TMEFF2: variants seen among roughly 807,000 people sequenced by gnomAD.
TMEFF2 encodes transmembrane protein with EGF like and two follistatin like domains 2.
TMEFF2 carries 28 observed loss-of-function variants against 53.8 expected under a neutral mutation model. The ratio of observed to expected loss-of-function variants is 0.52; its 90% CI spans 0.39 to 0.71. The LOEUF (loss-of-function observed/expected upper bound fraction) is 0.71. Ranked by LOEUF, TMEFF2 falls within the 30% of genes least tolerant of loss-of-function variation. The pLI is 0.00. For synonymous variants in TMEFF2, 162 were observed against 166.3 expected (o/e 0.97, Z 0.20); for missense variants, 353 against 455.2 (o/e 0.78, Z 2.04).
At chr2:192,030,294 T>C (rs1687096258) in intron 5 of TMEFF2, 1 of 152,202 alleles carries the variant, frequency 6.6e-6, no homozygotes, top group African/African-American at 2.4e-5. Flanking sequence ...AGGGAAAGCA[T>C]GTTGATTGGT....
intron 5 of TMEFF2, among the ~76,000 whole-genome samples, chr2:192,022,338 G>C (rs1686876395): frequency 6.6e-6 from 1 of 152,186 alleles, no homozygotes; most frequent in Admixed American, 6.5e-5. Flanking sequence ...GGTCCAGTTT[G>C]TCCTTGCATG....
chr2:191,953,699 C>T lies in TMEFF2; in HGVS notation c.1008G>A (p.Val336=), dbSNP rs755757094. 2 of 1,613,890 alleles carry T rather than the reference C, an allele frequency of 1.2e-6. No homozygotes were observed. The highest frequency in any genetic ancestry group is 1.7e-6 in the Non-Finnish European group (2 of 1,179,896). ...IGTIQIAVIC[V]VVLCITRKCP... is the part of the protein sequence containing the mutation. The stretch of plus-strand genomic sequence containing the variant: ...CTGACCTTGTGATGCAGAGGACCAC[C>T]ACACAGATGACAGCAATCTGAATTG... Residue 336 remains valine, a synonymous_variant, in exon 9 of 10, where the codon GTG becomes GTA. Coordinates refer to ENST00000272771, the MANE Select transcript of TMEFF2 (RefSeq NM_016192.4).
rs1251015150 is a variant in TMEFF2, at chr2:191,964,296, C to CTTCT, written c.746-7922_746-7919dup. 4.5e-4 allele frequency among the ~76,000 whole-genome samples: 60 copies of CTTCT among 132,136 alleles called. 5 individuals carry two copies. The highest frequency in any genetic ancestry group is 1.5e-3 in the African/African-American group (53 of 35,116). 86.7% of individuals were successfully genotyped at this position (132,136 alleles called of 152,430 possible). A position where few individuals can be genotyped will look rare whatever the true frequency, so the allele number is the denominator to read the frequency against. ...TTTTTCTTTTCCTTTTCCTTCTTTC[C>CTTCT]TTCTTTCCTTCTTTCTTTCCTTCCT... On this transcript the variant is annotated intron_variant, in intron 7 of 9. Transcript: ENST00000272771.
rs1346874775 is a variant in TMEFF2, at chr2:191,953,942, TGCAGTG to T, written c.870-111_870-106del. On this transcript the variant is annotated intron_variant, in intron 8 of 9. Coordinates refer to ENST00000272771, the MANE Select transcript of TMEFF2 (RefSeq NM_016192.4). ...TCTCGCTCTGTCGCCCAGGCTGGAG[TGCAGTG>T]GCGCATCTCGGCTCACTGCAAGTTC... The T allele has an allele frequency of 4.2e-5, 42 of 1,002,932 alleles. No individual in the cohort carries two copies. In the East Asian group the frequency reaches 1.2e-3, roughly 29 times the overall value. The allele number at this position is 1,002,932 out of a possible 1,614,324, so 62.1% of individuals were successfully genotyped here. A position where few individuals can be genotyped will look rare whatever the true frequency, so the allele number is the denominator to read the frequency against.
chr2:192,060,214 C>T (rs1559108454), intron 4 of TMEFF2, among the ~76,000 whole-genome samples: 1 of 152,238 alleles, frequency 6.6e-6, no homozygotes, highest in South Asian at 2.1e-4. Context: ...CCTCAGGCAT[C>T]GTCTAGCACA....
chr2:192,011,745 C>G (rs1029320844), intron 5 of TMEFF2, among the ~76,000 whole-genome samples: 9 of 152,058 alleles, frequency 5.9e-5, no homozygotes, highest in African/African-American at 2.2e-4. Flanking sequence ...TTTGTTTGGT[C>G]AATGTATATA....
chr2:192,172,765 G>A (rs1228177965), intron 4 of TMEFF2, among the ~76,000 whole-genome samples: 1 of 151,900 alleles, frequency 6.6e-6, no homozygotes, highest in African/African-American at 2.4e-5. Flanking sequence ...ATGAGGAGAT[G>A]TAATAATAGA....
intron 7 of TMEFF2, among the ~76,000 whole-genome samples, chr2:191,974,336 A>G (rs1692739561): frequency 6.6e-6 from 1 of 152,142 alleles, no homozygotes. Context: ...CTGTAGGTAC[A>G]GTCATAACTA....
At chr2:191,952,302 CAG>C (rs1691910179) in intron 9 of TMEFF2, among the ~76,000 whole-genome samples, 1 of 152,148 alleles carries the variant, frequency 6.6e-6, no homozygotes, top group Non-Finnish European at 1.5e-5. Context: ...TGATTCATAA[CAG>C]AATTGAAAAC....
At chr2:192,024,237 A>G (rs1335822182) in intron 5 of TMEFF2, among the ~76,000 whole-genome samples, 1 of 152,212 alleles carries the variant, frequency 6.6e-6, no homozygotes, top group Non-Finnish European at 1.5e-5. Context: ...GCATTAAGTC[A>G]ACACAAGCTG....
chr2:192,134,714 C>T (rs1305394475), intron 4 of TMEFF2, among the ~76,000 whole-genome samples: 1 of 152,178 alleles, frequency 6.6e-6, no homozygotes, highest in Non-Finnish European at 1.5e-5. Context: ...TAGACACTTT[C>T]ACTAGATAAG....
intron 4 of TMEFF2, among the ~76,000 whole-genome samples, chr2:192,063,820 G>A (rs1294527655): frequency 1.3e-5 from 2 of 151,536 alleles, no homozygotes; most frequent in African/African-American, 4.8e-5. Flanking sequence ...TAAAATCTCT[G>A]CTAGCACTAT....
intron 4 of TMEFF2, among the ~76,000 whole-genome samples, chr2:192,102,186 A>C (rs1436536936): frequency 6.6e-6 from 1 of 152,196 alleles, no homozygotes; most frequent in African/African-American, 2.4e-5. Context: ...CTATTATCAC[A>C]TAAAAAAGAA....
chr2:192,087,280 A>G (rs949820318), intron 4 of TMEFF2, among the ~76,000 whole-genome samples: 4 of 151,600 alleles, frequency 2.6e-5, no homozygotes, highest in South Asian at 4.2e-4. Flanking sequence ...ACACCTAGTG[A>G]AAAAAAACAG....
chr2:192,082,977 C>CTTTT (rs1688588691), intron 4 of TMEFF2, among the ~76,000 whole-genome samples: 54 of 148,540 alleles, frequency 3.6e-4, no homozygotes, highest in African/African-American at 3.5e-4. Flanking sequence ...TTTTTTTTTC[C>CTTTT]GAACATGGTC....
chr2:192,178,361 C>T (rs1301595765), intron 4 of TMEFF2: 2 of 150,114 alleles, frequency 1.3e-5, no homozygotes. Context: ...ATTTTCAAAA[C>T]CTCTAGGGAC....
At chr2:191,979,135 T>G (rs151278937) in intron 7 of TMEFF2, among the ~76,000 whole-genome samples, 105 of 152,332 alleles carry the variant, frequency 6.9e-4, no homozygotes, top group African/African-American at 2.4e-3. Context: ...ATATGGGCAA[T>G]GAAACAAATA....
At position 191,949,466 on chromosome 2, in the gene TMEFF2, C is replaced by T. The variant is rs1043193748; in HGVS notation, c.*845G>A. 19 of 985,196 alleles carry T rather than the reference C, an allele frequency of 1.9e-5. No homozygotes were observed. The highest frequency in any genetic ancestry group is 1.1e-4 in the East Asian group (1 of 8,824). 61.0% of individuals were successfully genotyped at this position (985,196 alleles called of 1,614,324 possible). On this transcript the variant is annotated 3_prime_UTR_variant, in exon 10 of 10. Coordinates refer to ENST00000272771, the MANE Select transcript of TMEFF2 (RefSeq NM_016192.4). ...ATTGTATGGTGCTTTTGAGAATTCA[C>T]GATTTTGGTGTTTCACATCTAGTGG...
At chr2:192,009,033 A>T (rs375132025) in intron 5 of TMEFF2, among the ~76,000 whole-genome samples, 9 of 152,316 alleles carry the variant, frequency 5.9e-5, no homozygotes, top group Admixed American at 4.6e-4. Context: ...ATTGGCCACT[A>T]CATTGTTCAG....
Sources: gnomAD v4.1 joint callset for allele counts (sites outside exome capture counted in the v4.1 genomes callset) on GRCh38, gnomAD v4.1.1 for gene constraint, MANE v1.5 for transcripts, NCBI Gene and HGNC (gene_info 2026-07-23, HGNC 2026-07-21) for gene names.